The following ADGRG7 variants were observed in gnomAD, a reference collection of about 807,000 sequenced individuals.
The protein encoded by ADGRG7 is G-protein coupled receptor 128.
Under a neutral mutation model 88.6 loss-of-function variants are expected in ADGRG7, and 82 were observed. The ratio of observed to expected loss-of-function variants is 0.93; its 90% CI spans 0.77 to 1.11. The LOEUF (loss-of-function observed/expected upper bound fraction) is 1.11. Ranked by LOEUF, ADGRG7 falls within the 50% of genes most tolerant of loss-of-function variation. The pLI is 0.00. For missense variants in ADGRG7, 945 were observed against 953.4 expected (o/e 0.99, Z 0.12); for synonymous variants, 381 against 345.2 (o/e 1.10, Z -1.15).
intron 4 of ADGRG7, chr3:100,635,458 T>C: frequency 9.8e-7 from 1 of 1,015,850 alleles, no homozygotes; most frequent in South Asian, 2.2e-5. Context: ...CCCCTTATAG[T>C]TAATCAATCC....
At position 100,687,834 on chromosome 3, in the gene ADGRG7, T is replaced by G. The variant is rs559062356; in HGVS notation, c.2137-6910T>G. 9.8e-3 allele frequency among the ~76,000 whole-genome samples: 1,493 copies of G among 152,296 alleles called. 12 individuals are homozygous for G. Among genetic ancestry groups the G allele is most frequent in the Non-Finnish European group, 0.019 (1,282 of 68,022 alleles). The stretch of plus-strand genomic sequence containing the variant: ...GTTCATCAGGGATATTGGTCTAAAA[T>G]TCTCTTTTTTTGTTGTGTCTCTGCC... On this transcript the variant is annotated intron_variant, in intron 15 of 15. Coordinates refer to ENST00000273352, the MANE Select transcript of ADGRG7 (RefSeq NM_032787.3).
chr3:100,630,095 G>A (rs1359130996), intron 2 of ADGRG7, among the ~76,000 whole-genome samples: 1 of 151,986 alleles, frequency 6.6e-6, no homozygotes, highest in Non-Finnish European at 1.5e-5. Flanking sequence ...AAATCAATAT[G>A]CATCTTCCTG....
Position 100,659,657 on chromosome 3 carries a change from CT to C in ADGRG7, c.1824-30del, listed in dbSNP as rs1169876311. 4 of 1,607,526 alleles carry C rather than the reference CT, an allele frequency of 2.5e-6. No individual in the cohort carries two copies. The African/African-American group carries it at 5.4e-5, about 22-fold the overall frequency. ...GACCAGTATGTATACCTTTCTTAGT[CT>C]GCTGAAGCAATTTTTTTTTTCCTCC... On this transcript the variant is annotated intron_variant, in intron 13 of 15. Transcript: ENST00000273352.
chr3:100,642,115 A>G (rs1427685893), intron 6 of ADGRG7, among the ~76,000 whole-genome samples: 1 of 152,218 alleles, frequency 6.6e-6, no homozygotes, highest in Non-Finnish European at 1.5e-5. Context: ...CACCTCCTGT[A>G]TATCTACCAC....
chr3:100,672,329 G>C (rs2094959859), intron 15 of ADGRG7, among the ~76,000 whole-genome samples: 1 of 152,170 alleles, frequency 6.6e-6, no homozygotes, highest in Non-Finnish European at 1.5e-5. Flanking sequence ...TTGTGAATGG[G>C]AGTTCACTCA....
chr3:100,675,135 A>C lies in ADGRG7; in HGVS notation c.2136+6030A>C, dbSNP rs977366913. Among the ~76,000 whole-genome samples the C allele has an allele frequency of 5.3e-5, 8 of 152,192 alleles. No homozygotes were observed. In the South Asian group the frequency reaches 6.2e-4, roughly 12 times the overall value. On this transcript the variant is annotated intron_variant, in intron 15 of 15. Coordinates refer to ENST00000273352, the MANE Select transcript of ADGRG7 (RefSeq NM_032787.3). ...GGCTAGGACTTCCAGTGCTATGTTG[A>C]ATAACAGTGGTGAAAGTGGGCATCC...
intron 1 of ADGRG7, among the ~76,000 whole-genome samples, chr3:100,626,614 A>G (rs191722616): frequency 8.2e-4 from 125 of 152,202 alleles, no homozygotes; most frequent in African/African-American, 2.9e-3. Flanking sequence ...GTGAAACCCC[A>G]TCTCTACTAC....
At chr3:100,689,924 C>T (rs1057123811) in intron 15 of ADGRG7, among the ~76,000 whole-genome samples, 6 of 152,098 alleles carry the variant, frequency 3.9e-5, no homozygotes, top group Admixed American at 6.5e-5. Context: ...GTTGGCCTGC[C>T]TTGCTAGATT....
chr3:100,690,349 C>G (rs1314663747), intron 15 of ADGRG7, among the ~76,000 whole-genome samples: 1 of 152,064 alleles, frequency 6.6e-6, no homozygotes, highest in Non-Finnish European at 1.5e-5. Flanking sequence ...GTAGTTTGAT[C>G]TTCTGAAGCC....
At chr3:100,674,318 T>C (rs1237338950) in intron 15 of ADGRG7, among the ~76,000 whole-genome samples, 1 of 152,224 alleles carries the variant, frequency 6.6e-6, no homozygotes, top group Non-Finnish European at 1.5e-5. Flanking sequence ...TTTTTTCTTT[T>C]TCTGTGAAGA....
chr3:100,685,488 T>C (rs1255320189), intron 15 of ADGRG7, among the ~76,000 whole-genome samples: 1 of 152,176 alleles, frequency 6.6e-6, no homozygotes, highest in Non-Finnish European at 1.5e-5. Flanking sequence ...AGTCGTCATT[T>C]AGCATTAGGT....
At chr3:100,686,668 C>T (rs1393168324) in intron 15 of ADGRG7, among the ~76,000 whole-genome samples, 2 of 152,170 alleles carry the variant, frequency 1.3e-5, no homozygotes, top group Non-Finnish European at 2.9e-5. Context: ...TTAGGTTTGT[C>T]AAAGATCAGA....
chr3:100,685,646 T>C, intron 15 of ADGRG7, among the ~76,000 whole-genome samples: 1 of 152,178 alleles, frequency 6.6e-6, no homozygotes, highest in Non-Finnish European at 1.5e-5. Context: ...GTCCTTGCGA[T>C]AGTTTGCTGA....
intron 11 of ADGRG7, among the ~76,000 whole-genome samples, chr3:100,653,708 CAG>C (rs2094933164): frequency 6.6e-6 from 1 of 152,136 alleles, no homozygotes; most frequent in African/African-American, 2.4e-5. Context: ...GCGGCTGGGC[CAG>C]AGTCATCTGG....
intron 6 of ADGRG7, among the ~76,000 whole-genome samples, chr3:100,641,003 C>T (rs1707634226): frequency 6.6e-6 from 1 of 152,198 alleles, no homozygotes; most frequent in African/African-American, 2.4e-5. Flanking sequence ...TCCAGCTAGC[C>T]TGGCACCCAC....
intron 15 of ADGRG7, among the ~76,000 whole-genome samples, chr3:100,681,012 C>T (rs554214162): frequency 6.6e-6 from 1 of 152,032 alleles, no homozygotes; most frequent in Non-Finnish European, 1.5e-5. Flanking sequence ...ACATACTTAA[C>T]CATAAACCTT....
At position 100,609,893 on chromosome 3, in the gene ADGRG7, G is replaced by T; in HGVS notation, c.37G>T (p.Val13Leu). The T allele has an allele frequency of 6.2e-7, 1 of 1,614,030 alleles. No homozygotes were observed. Residue 13 changes from valine to leucine, a missense_variant, in exon 1 of 16, where the codon GTG (valine) becomes TTG (leucine). Transcript: ENST00000273352. ...CCGTGCCTGGAACCTTAGGGTGCTG[G>T]TGGCTGTCGTGTGTGGACTACTGAC... Reference protein sequence around the residue: ...SCRAWNLRVLVAVVCGLLTGI... With the variant: ...SCRAWNLRVLLAVVCGLLTGI...
Position 100,646,632 on chromosome 3 carries a change from G to C in ADGRG7, c.1174G>C (p.Asp392His), listed in dbSNP as rs761261511. ...TGTCTATTGGAATTTGTCAGCGAAG[G>C]ACTGGGACACATATGGCTGTCAAAA... The part of the protein sequence containing the change: ...ACVYWNLSAK[D>H]WDTYGCQKDK... Residue 392 changes from aspartate (D) to histidine (H), a missense_variant, in exon 10 of 16, where the codon GAC (aspartate) becomes CAC (histidine). By Grantham distance (81) the Asp-to-His change is moderately conservative. Coordinates refer to ENST00000273352, the MANE Select transcript of ADGRG7 (RefSeq NM_032787.3). 2 of 1,614,030 alleles carry C rather than the reference G, an allele frequency of 1.2e-6. No individual in the cohort carries two copies. The highest frequency in any genetic ancestry group is 1.7e-6 in the Non-Finnish European group (2 of 1,179,924).
intron 15 of ADGRG7, among the ~76,000 whole-genome samples, chr3:100,670,305 TC>T (rs1369978699): frequency 6.6e-6 from 1 of 152,198 alleles, no homozygotes; most frequent in Non-Finnish European, 1.5e-5. Flanking sequence ...CATAATGACC[TC>T]CAGTTCCATC....
Sources: allele counts gnomAD v4.1 joint callset (sites outside exome capture counted in the v4.1 genomes callset), GRCh38; gene constraint gnomAD v4.1.1; transcripts MANE v1.5; gene names NCBI Gene and HGNC (gene_info 2026-07-23, HGNC 2026-07-21).